Variants in HS6ST1 observed in about 807,000 individuals in gnomAD.
The protein encoded by HS6ST1 is heparan-sulfate 6-O-sulfotransferase 1.
In HS6ST1, 3 loss-of-function variants were observed where a neutral mutation model predicts 25.2. The ratio of observed to expected loss-of-function variants is 0.12; its 90% CI spans 0.05 to 0.31. HS6ST1 has a LOEUF of 0.31. Ranked by LOEUF, HS6ST1 falls within the 10% of genes least tolerant of loss-of-function variation. The pLI is 1.00. For synonymous variants in HS6ST1, 204 were observed against 275.1 expected (o/e 0.74, Z 2.56); for missense variants, 310 against 609.6 (o/e 0.51, Z 5.18).
At chr2:128,314,963 G>GCAC (rs1161979501) in intron 1 of HS6ST1, among the ~76,000 whole-genome samples, 2 of 152,236 alleles carry the variant, frequency 1.3e-5, no homozygotes, top group Non-Finnish European at 2.9e-5. Flanking sequence ...TGGCTCTGGA[G>GCAC]CACCATCTGG....
chr2:128,302,220 A>T (rs1048595054), intron 1 of HS6ST1, among the ~76,000 whole-genome samples: 1 of 152,166 alleles, frequency 6.6e-6, no homozygotes, highest in Non-Finnish European at 1.5e-5. Flanking sequence ...ACCTGGTCTC[A>T]GGCCCCATGA....
Position 128,268,539 on chromosome 2 carries a change from C to T in HS6ST1, c.859G>A (p.Gly287Ser). Reference sequence around the variant, plus strand: ...TCGGTCAGGCCGAAGAAGGCCATGCCCCGCAGGTTCTTCTTGGCGCTCTCG... The same window carrying T: ...TCGGTCAGGCCGAAGAAGGCCATGCTCCGCAGGTTCTTCTTGGCGCTCTCG... ...LLESAKKNLRGMAFFGLTEFQ... is the reference protein window; with the variant it reads ...LLESAKKNLRSMAFFGLTEFQ... Residue 287 changes from glycine (G) to serine (S), a missense_variant, in exon 2 of 2, where the codon GGC (glycine) becomes AGC (serine). By Grantham distance (56) the Gly-to-Ser change is moderately conservative (BLOSUM62 0). Coordinates refer to ENST00000259241, the MANE Select transcript of HS6ST1 (RefSeq NM_004807.3). The T allele has an allele frequency of 6.2e-7, 1 of 1,601,796 alleles. No individual in the cohort carries two copies. The highest frequency in any genetic ancestry group is 8.5e-7 in the Non-Finnish European group (1 of 1,173,694).
chr2:128,280,409 C>T (rs1342496127), intron 1 of HS6ST1, among the ~76,000 whole-genome samples: 7 of 152,178 alleles, frequency 4.6e-5, no homozygotes, highest in Non-Finnish European at 8.8e-5. Context: ...TGGGAGACAG[C>T]CCAGAGGAGA....
At chr2:128,301,510 A>G (rs12986656) in intron 1 of HS6ST1, among the ~76,000 whole-genome samples, 23,825 of 152,232 alleles carry the variant, frequency 0.16, 2,336 homozygotes, top group Non-Finnish European at 0.21. Context: ...CTCAGCTCTT[A>G]AAGGGACCAG....
At chr2:128,296,913 T>C (rs1343349786) in intron 1 of HS6ST1, among the ~76,000 whole-genome samples, 4 of 152,158 alleles carry the variant, frequency 2.6e-5, no homozygotes, top group African/African-American at 9.7e-5. Context: ...GCTAAAGTAC[T>C]TGACAAAAAA....
intron 1 of HS6ST1, among the ~76,000 whole-genome samples, chr2:128,291,968 G>C (rs926148380): frequency 6.6e-6 from 1 of 152,222 alleles, no homozygotes; most frequent in African/African-American, 2.4e-5. Flanking sequence ...TCAACGCCAG[G>C]GGAGACCCTG....
intron 1 of HS6ST1, among the ~76,000 whole-genome samples, chr2:128,301,671 CGTGTGTGGGA>C (rs1308858900): frequency 6.6e-6 from 1 of 152,162 alleles, no homozygotes; most frequent in Non-Finnish European, 1.5e-5. Context: ...CGTGAGCGTG[CGTGTGTGGGA>C]GAGCGTGCGT....
At chr2:128,271,560 C>A (rs1693609900) in intron 1 of HS6ST1, among the ~76,000 whole-genome samples, 1 of 152,206 alleles carries the variant, frequency 6.6e-6, no homozygotes, top group Admixed American at 6.5e-5. Flanking sequence ...AGGGAGGGAG[C>A]ACAAAGCGGG....
intron 1 of HS6ST1, among the ~76,000 whole-genome samples, chr2:128,300,625 G>A (rs776468431): frequency 6.6e-6 from 1 of 152,140 alleles, no homozygotes; most frequent in Non-Finnish European, 1.5e-5. Flanking sequence ...TAATCTCTTC[G>A]GGGGAGGCTG....
intron 1 of HS6ST1, among the ~76,000 whole-genome samples, chr2:128,286,693 G>C (rs1246872858): frequency 6.6e-6 from 1 of 152,234 alleles, no homozygotes; most frequent in Non-Finnish European, 1.5e-5. Context: ...AAAAACAAGA[G>C]GCTTTATTAG....
intron 1 of HS6ST1, among the ~76,000 whole-genome samples, chr2:128,279,410 C>T (rs1275045287): frequency 6.8e-6 from 1 of 147,670 alleles, no homozygotes; most frequent in East Asian, 2.0e-4. Context: ...AATGGTTTTC[C>T]GTGGCTCAGA....
intron 1 of HS6ST1, among the ~76,000 whole-genome samples, chr2:128,280,074 G>A (rs1182117447): frequency 6.6e-6 from 1 of 152,180 alleles, no homozygotes; most frequent in Non-Finnish European, 1.5e-5. Context: ...GGGAGCTCAC[G>A]GCATAACACA....
intron 1 of HS6ST1, among the ~76,000 whole-genome samples, chr2:128,301,168 C>A (rs761650698): frequency 6.8e-6 from 1 of 146,208 alleles, no homozygotes; most frequent in Admixed American, 6.7e-5. Context: ...GGACTGGGGT[C>A]GCCGGGGGCT....
At chr2:128,277,510 G>A (rs1036207915) in intron 1 of HS6ST1, among the ~76,000 whole-genome samples, 2 of 152,190 alleles carry the variant, frequency 1.3e-5, no homozygotes, top group Non-Finnish European at 1.5e-5. Context: ...GGCCATCCCC[G>A]AGGCGCCCTA....
At chr2:128,308,260 A>T (rs1346824526) in intron 1 of HS6ST1, among the ~76,000 whole-genome samples, 1 of 152,208 alleles carries the variant, frequency 6.6e-6, no homozygotes, top group African/African-American at 2.4e-5. Flanking sequence ...CACCCAGCTA[A>T]GCCTGCAGTG....
chr2:128,318,793 C>G lies in HS6ST1; in HGVS notation c.-230G>C, dbSNP rs1342830437. Among the ~76,000 whole-genome samples the G allele has an allele frequency of 1.4e-5, 2 of 147,258 alleles. No homozygotes were observed. Among genetic ancestry groups the G allele is most frequent in the East Asian group, 2.0e-4 (1 of 5,114 alleles). ...CTCCGCTCCCGCTCGGCCCCGCTCC[C>G]GGCCCCGGCCAGCACAGCGCTCTCC... On this transcript the variant is annotated 5_prime_UTR_variant, in exon 1 of 2. Coordinates refer to ENST00000259241, the MANE Select transcript of HS6ST1 (RefSeq NM_004807.3). The surrounding 1 kb of genome is among the most constrained non-coding windows in gnomAD (Gnocchi z 5.7).
Position 128,280,461 on chromosome 2 carries a change from G to A in HS6ST1, c.528-11591C>T, listed in dbSNP as rs368582634. 2.8e-4 allele frequency among the ~76,000 whole-genome samples: 43 copies of A among 152,322 alleles called. No homozygotes were observed. The East Asian group carries it at 5.4e-3, about 19-fold the overall frequency. On this transcript the variant is annotated intron_variant, in intron 1 of 1. Transcript: ENST00000259241. ...GGCACAGGCATGTGAGCCACTGCCT[G>A]AGAGGGAATGGCTTCCCCACCGCTC...
chr2:128,315,559 G>A (rs575653844), intron 1 of HS6ST1, among the ~76,000 whole-genome samples: 1 of 152,176 alleles, frequency 6.6e-6, no homozygotes, highest in Non-Finnish European at 1.5e-5. Context: ...TCGCAGGAGG[G>A]CCAGGGTGAC....
intron 1 of HS6ST1, among the ~76,000 whole-genome samples, chr2:128,293,880 T>G (rs1452536283): frequency 6.6e-6 from 1 of 152,150 alleles, no homozygotes; most frequent in Non-Finnish European, 1.5e-5. Context: ...AGCCTCTAAG[T>G]GTGGAATGGC....
Sources: allele counts gnomAD v4.1 joint callset (sites outside exome capture counted in the v4.1 genomes callset), GRCh38; gene constraint gnomAD v4.1.1; non-coding constraint Gnocchi (gnomAD v3.1); transcripts MANE v1.5; gene names NCBI Gene and HGNC (gene_info 2026-07-23, HGNC 2026-07-21).